LCT: variants seen among roughly 807,000 people sequenced by gnomAD.
LCT encodes the protein lactase/phlorizin hydrolase.
LCT carries 90 observed loss-of-function variants against 173.0 expected under a neutral mutation model. The ratio of observed to expected loss-of-function variants is 0.52; its 90% CI spans 0.44 to 0.62. The LOEUF is 0.62. Among genes scored for constraint, LCT ranks in the 20% least tolerant of loss-of-function variants. The probability of loss-of-function intolerance (pLI) is 0.00; values close to 1 mark genes in which losing one functional copy is unlikely to be tolerated. For missense variants in LCT, 1,864 were observed against 2,431.4 expected, an observed-to-expected ratio of 0.77 and a Z score of 4.91; for synonymous variants, 853 against 957.6, an observed-to-expected ratio of 0.89 and a Z score of 2.02.
intron 9 of LCT, among the ~76,000 whole-genome samples, chr2:135,806,268 CACCTGG>C (rs2077670342): frequency 6.6e-6 from 1 of 152,154 alleles, no homozygotes. Context: ...TGAGCCACCA[CACCTGG>C]ACCAATGTGC....
rs1186054288 is a variant in LCT at position 135,833,157 on chromosome 2, T to G, written c.674A>C (p.Asp225Ala). ...GKLSVVLRAEDIPELLLEPPI... is the reference protein window; with the variant it reads ...GKLSVVLRAEAIPELLLEPPI... ...TGGTTCTAGCAGGAGCTCCGGGATA[T>G]CTTCAGCTCGCAGGACAACAGAGAG... Residue 225 changes from aspartate (D) to alanine (A), a missense_variant, in exon 2 of 17, where the codon GAT (aspartate) becomes GCT (alanine). Asp to Ala is a moderately radical substitution (Grantham distance 126). Coordinates refer to ENST00000264162, the MANE Select transcript of LCT (RefSeq NM_002299.4). 1.2e-6 allele frequency: 2 copies of G among 1,613,990 alleles called. No individual in the cohort carries two copies. The highest frequency in any genetic ancestry group is 1.7e-6 in the Non-Finnish European group (2 of 1,179,990).
chr2:135,816,630 T>G (rs1034307523), intron 6 of LCT, among the ~76,000 whole-genome samples: 1 of 152,170 alleles, frequency 6.6e-6, no homozygotes, highest in African/African-American at 2.4e-5. Flanking sequence ...TCTCCTTGCT[T>G]AAGTCACTTT....
At chr2:135,796,941 ATTTTTTT>A (rs997582132) in intron 13 of LCT, among the ~76,000 whole-genome samples, 1 of 118,762 alleles carries the variant, frequency 8.4e-6, no homozygotes, top group African/African-American at 3.2e-5. Flanking sequence ...TGGGAGCTGG[ATTTTTTT>A]TTTTTTTTTT....
chr2:135,829,732 G>T, intron 2 of LCT, 56 bp from the exon 3 acceptor site: 1 of 1,179,792 alleles, frequency 8.5e-7, no homozygotes, highest in Non-Finnish European at 1.3e-6. Context: ...AAGACTAACA[G>T]CCTCTCAGAA....
intron 3 of LCT, among the ~76,000 whole-genome samples, chr2:135,828,339 G>A (rs1371045303): frequency 6.6e-6 from 1 of 152,126 alleles, no homozygotes; most frequent in Non-Finnish European, 1.5e-5. Context: ...GGCCTTTAAA[G>A]GGATAATTCC....
intron 12 of LCT, among the ~76,000 whole-genome samples, chr2:135,799,717 T>C (rs1172634772): frequency 1.3e-5 from 2 of 152,248 alleles, no homozygotes; most frequent in Non-Finnish European, 2.9e-5. Context: ...CCCAAAGTGC[T>C]GGGATTACAG....
intron 12 of LCT, among the ~76,000 whole-genome samples, 197 bp from the exon 13 acceptor site, chr2:135,798,335 C>T (rs1047236310): frequency 1.3e-5 from 2 of 152,328 alleles, no homozygotes; most frequent in African/African-American, 4.8e-5. Flanking sequence ...TGTGCTTGCT[C>T]AGTTGCTGTT....
intron 11 of LCT, among the ~76,000 whole-genome samples, chr2:135,803,496 G>A (rs1375001622): frequency 6.6e-6 from 1 of 152,218 alleles, no homozygotes; most frequent in East Asian, 1.9e-4. Context: ...TGCTCAGTGC[G>A]ATAAAGACCA....
intron 7 of LCT, among the ~76,000 whole-genome samples, chr2:135,811,637 G>C (rs2077734902): frequency 6.6e-6 from 1 of 151,478 alleles, no homozygotes; most frequent in African/African-American, 2.4e-5. Context: ...GGAGTTTGAG[G>C]CTGAAGTGAG....
At chr2:135,791,577 G>A (rs1165438550) in intron 14 of LCT, among the ~76,000 whole-genome samples, 1 of 152,200 alleles carries the variant, frequency 6.6e-6, no homozygotes, top group East Asian at 1.9e-4. Flanking sequence ...AAAAATGTTG[G>A]TTTTATCAGC....
chr2:135,808,973 C>T lies in LCT; in HGVS notation c.3374G>A (p.Ser1125Asn), dbSNP rs768360615. Residue 1125 changes from serine to asparagine, a missense_variant, in exon 8 of 17, where the codon AGT (serine) becomes AAT (asparagine). Coordinates refer to ENST00000264162, the MANE Select transcript of LCT (RefSeq NM_002299.4). ...EQKGVISLSLSTHWAEPKSPG... is the reference protein window; with the variant it reads ...EQKGVISLSLNTHWAEPKSPG... ...TGACTTGGGCTCTGCCCAGTGTGTA[C>T]TGAGGCTCAGCGAGATGACCCCCTT... 15 of 1,612,578 alleles carry T rather than the reference C, an allele frequency of 9.3e-6. No individual in the cohort carries two copies. Among genetic ancestry groups the T allele is most frequent in the Non-Finnish European group, 1.3e-5 (15 of 1,178,966 alleles).
chr2:135,829,523 T>C, intron 3 of LCT, 70 bp downstream of exon 3: 1 of 1,154,840 alleles, frequency 8.7e-7, no homozygotes, highest in Non-Finnish European at 1.3e-6. Flanking sequence ...AGCCAAAGCA[T>C]TAAATGTCTA....
At chr2:135,832,275 G>A (rs2077947098) in intron 2 of LCT, among the ~76,000 whole-genome samples, 1 of 151,184 alleles carries the variant, frequency 6.6e-6, no homozygotes, top group African/African-American at 2.4e-5. Flanking sequence ...TTGGCTGGGT[G>A]TGGTGGCTCA....
rs2077508930 is a variant in LCT, at chr2:135,788,393, G to A, written c.5715C>T (p.Tyr1905=). The part of the protein sequence containing the change: ...VCGLAFLSYK[Y]CKRSKQGKTQ... ...TTTTCCCTTGCTTAGAGCGCTTGCA[G>A]TACTTGTATGACAGAAATGCCAAGC... The change falls in exon 17 of 17, where the codon TAC becomes TAT. Residue 1905 remains tyrosine (Y), a synonymous_variant. Transcript: ENST00000264162. The A allele has an allele frequency of 6.2e-7, 1 of 1,614,166 alleles. No individual in the cohort carries two copies. The highest frequency in any genetic ancestry group is 1.1e-5 in the South Asian group (1 of 91,086).
rs7569729 is a variant in LCT at position 135,829,801 on chromosome 2, C to T, written c.721-125G>A. The T allele has an allele frequency of 6.1e-3, 4,062 of 664,660 alleles. 105 individuals are homozygous for T. The African/African-American group carries it at 0.067, about 11-fold the overall frequency. 41.2% of individuals were successfully genotyped at this position (664,660 alleles called of 1,614,324 possible). A position where few individuals can be genotyped will look rare whatever the true frequency, so the allele number is the denominator to read the frequency against. ...CCAAATATTCCAAAGCAGGATTTTC[C>T]AAAGGAAAAGATGGAGATGGAATGA... On this transcript the variant is annotated intron_variant, in intron 2 of 16. Transcript: ENST00000264162.
chr2:135,794,402 AAAC>A, intron 14 of LCT: 1 of 496,194 alleles, frequency 2.0e-6, no homozygotes, highest in Admixed American at 3.5e-5. Flanking sequence ...TGAAATAAAA[AAAC>A]AAAAAGCCAA....
chr2:135,823,802 G>GGAA, intron 4 of LCT, 99 bp downstream of exon 4: 1 of 807,036 alleles, frequency 1.2e-6, no homozygotes, highest in South Asian at 1.4e-5. Context: ...TTCCTCCCAT[G>GGAA]CTCCTCCTCC....
chr2:135,812,119 G>A (rs903224245), intron 7 of LCT, among the ~76,000 whole-genome samples, 192 bp downstream of exon 7: 1 of 152,176 alleles, frequency 6.6e-6, no homozygotes, highest in Admixed American at 6.6e-5. Flanking sequence ...AAAACCACAG[G>A]AGCAAAGACG....
chr2:135,806,576 A>T (rs963229771), intron 9 of LCT, among the ~76,000 whole-genome samples: 6 of 152,144 alleles, frequency 3.9e-5, no homozygotes, highest in Admixed American at 3.9e-4. Context: ...CTTTTATGCC[A>T]TATTTTCACT....
Sources: gnomAD v4.1 joint callset for allele counts (sites outside exome capture counted in the v4.1 genomes callset) on GRCh38, gnomAD v4.1.1 for gene constraint, MANE v1.5 for transcripts, NCBI Gene and HGNC (gene_info 2026-07-23, HGNC 2026-07-21) for gene names.